The following SCUBE3 variants were observed in gnomAD, a reference collection of about 807,000 sequenced individuals.
SCUBE3 encodes the protein signal peptide, CUB and EGF-like domain-containing protein 3.
Under a neutral mutation model 116.8 loss-of-function variants are expected in SCUBE3, and 33 were observed. That is an observed-to-expected ratio of 0.28 (90% CI 0.21 to 0.38). SCUBE3 has a LOEUF of 0.38. Ranked by LOEUF, SCUBE3 falls within the 10% of genes least tolerant of loss-of-function variation. SCUBE3 has a pLI of 1.00. For missense variants in SCUBE3, 1,007 were observed against 1,324.8 expected, an observed-to-expected ratio of 0.76 and a Z score of 3.72; for synonymous variants, 418 against 496.9, an observed-to-expected ratio of 0.84 and a Z score of 2.11.
chr6:35,244,811 A>G lies in SCUBE3; in HGVS notation c.2401A>G (p.Asn801Asp). ...DGSTSVAQCK[N>D]RQCGGELGEF... is the part of the protein sequence containing the mutation. ...CTCTACCAGTGTGGCCCAATGCAAG[A>G]GTACGTGGCAAGCCAGGCTGTGCAA... is the stretch of plus-strand genomic sequence containing the variant. Residue 801 changes from asparagine (N) to aspartate (D), a missense_variant and splice_region_variant, in exon 18 of 22, where the codon AAT becomes GAT. Asn to Asp is a conservative substitution (Grantham distance 23, BLOSUM62 1). This residue lies in a region of SCUBE3 where 544 missense variants were observed against 638.9 expected (regional missense o/e 0.85). Coordinates refer to ENST00000274938, the MANE Select transcript of SCUBE3 (RefSeq NM_152753.4). This position sits in a 1 kb window ranked among gnomAD's most constrained non-coding sequence, Gnocchi z 4.3. 1 of 1,614,112 alleles carries G rather than the reference A, an allele frequency of 6.2e-7. No individual in the cohort carries two copies. The highest frequency in any genetic ancestry group is 1.7e-5 in the Admixed American group (1 of 60,028).
chr6:35,214,378 C>G lies in SCUBE3; in HGVS notation c.-41C>G. 1 of 1,347,352 alleles carries G rather than the reference C, an allele frequency of 7.4e-7. No individual in the cohort carries two copies. Among genetic ancestry groups the G allele is most frequent in the Non-Finnish European group, 9.7e-7 (1 of 1,029,830 alleles). The allele number at this position is 1,347,352 out of a possible 1,614,324, so 83.5% of individuals were successfully genotyped here. On this transcript the variant is annotated 5_prime_UTR_variant, in exon 1 of 22. Transcript: ENST00000274938. The surrounding 1 kb of genome is among the most constrained non-coding windows in gnomAD (Gnocchi z 6.3). ...GCCGGCTTCCGCCCTCCCCTGGCCGCGAGACCGGCCCCGGCGGCTGGGCCG... is the reference window on the plus strand; with the variant it reads ...GCCGGCTTCCGCCCTCCCCTGGCCGGGAGACCGGCCCCGGCGGCTGGGCCG...
chr6:35,236,671 T>C (rs1306190049), intron 6 of SCUBE3, among the ~76,000 whole-genome samples: 1 of 152,222 alleles, frequency 6.6e-6, no homozygotes, highest in Non-Finnish European at 1.5e-5. Context: ...CCTGTTCTCA[T>C]TGGTGACAAG....
chr6:35,235,538 G>C lies in SCUBE3; in HGVS notation c.712+2237G>C. ...CCGCTTGCTCTCACTGGCTTGCTAG[G>C]GGAAGGGCTAACCCGCTGGGGCTCC... On this transcript the variant is annotated intron_variant, in intron 6 of 21. Coordinates refer to ENST00000274938, the MANE Select transcript of SCUBE3 (RefSeq NM_152753.4). This position sits in a 1 kb window ranked among gnomAD's most constrained non-coding sequence, Gnocchi z 4.5. 8.7e-7 allele frequency: 1 copy of C among 1,155,954 alleles called. No individual in the cohort carries two copies. Among genetic ancestry groups the C allele is most frequent in the Non-Finnish European group, 1.2e-6 (1 of 866,632 alleles). The allele number at this position is 1,155,954 out of a possible 1,614,324, so 71.6% of individuals were successfully genotyped here.
chr6:35,243,047 C>A lies in SCUBE3; in HGVS notation c.1720C>A (p.Gln574Lys), dbSNP rs1784144771. ...TASCGLPCLR[Q>K]RMERRLKGSL... ...CAGCTGTGGGCTGCCCTGCCTCCGACAGCGAATGGAACGGCGGCTGAAAGG... is the reference window on the plus strand; with the variant it reads ...CAGCTGTGGGCTGCCCTGCCTCCGAAAGCGAATGGAACGGCGGCTGAAAGG... The change falls in exon 15 of 22, where the codon CAG (glutamine) becomes AAG (lysine). Residue 574 changes from glutamine (Q) to lysine (K), a missense_variant. Physicochemically the swap from Gln to Lys is moderately conservative, Grantham distance 53. This residue lies in a region of SCUBE3 where 544 missense variants were observed against 638.9 expected (regional missense o/e 0.85). Transcript: ENST00000274938. The surrounding 1 kb of genome is among the most constrained non-coding windows in gnomAD (Gnocchi z 6.6). 9 of 1,614,164 alleles carry A rather than the reference C, an allele frequency of 5.6e-6. No individual in the cohort carries two copies. The highest frequency in any genetic ancestry group is 1.7e-5 in the Admixed American group (1 of 60,032).
chr6:35,245,831 G>C lies in SCUBE3; in HGVS notation c.2600-113G>C, dbSNP rs1408124291. 1.7e-6 allele frequency: 2 copies of C among 1,143,462 alleles called. No individual in the cohort carries two copies. Among genetic ancestry groups the C allele is most frequent in the African/African-American group, 3.1e-5 (2 of 64,740 alleles). The allele number at this position is 1,143,462 out of a possible 1,614,324, so 70.8% of individuals were successfully genotyped here. A position where few individuals can be genotyped will look rare whatever the true frequency, so the allele number is the denominator to read the frequency against. On this transcript the variant is annotated intron_variant, in intron 19 of 21. Transcript: ENST00000274938. This position sits in a 1 kb window ranked among gnomAD's most constrained non-coding sequence, Gnocchi z 4.2. ...GTGTGTATGCGAAGGGGGAGCCTTT[G>C]TCAGAATGATTCTCTTGCCCTATAC...
chr6:35,239,440 C>T lies in SCUBE3; in HGVS notation c.830-312C>T, dbSNP rs1783930281. On this transcript the variant is annotated intron_variant, in intron 7 of 21. Transcript: ENST00000274938. This position sits in a 1 kb window ranked among gnomAD's most constrained non-coding sequence, Gnocchi z 4.1. ...CTGTTAGGTCAAATGCCCACCTGCC[C>T]CTCCTCTAGGTAATTCCCTGAGGGC... Among the ~76,000 whole-genome samples the T allele has an allele frequency of 6.6e-6, 1 of 152,166 alleles. No individual in the cohort carries two copies. The highest frequency in any genetic ancestry group is 1.5e-5 in the Non-Finnish European group (1 of 68,024).
rs948193469 is a variant in SCUBE3, at chr6:35,241,236, C to T, written c.1165C>T (p.Arg389Trp). Reference sequence around the variant, plus strand: ...GTGTACCTGCCCAGCAGGCCAGGGTCGGCTGCACTGGAATGGCAAAGATTG... The same window carrying T: ...GTGTACCTGCCCAGCAGGCCAGGGTTGGCTGCACTGGAATGGCAAAGATTG... ...YQCTCPAGQGRLHWNGKDCTE... is the reference protein window; with the variant it reads ...YQCTCPAGQGWLHWNGKDCTE... Residue 389 changes from arginine to tryptophan, a missense_variant, in exon 10 of 22, where the codon CGG becomes TGG. Arg to Trp is a moderately radical substitution (Grantham distance 101). Transcript: ENST00000274938. The surrounding 1 kb of genome is among the most constrained non-coding windows in gnomAD (Gnocchi z 4.1). 16 of 1,601,062 alleles carry T rather than the reference C, an allele frequency of 1.0e-5. No homozygotes were observed. The highest frequency in any genetic ancestry group is 1.3e-5 in the Non-Finnish European group (15 of 1,169,518).
chr6:35,246,758 A>G (rs1441736329), intron 21 of SCUBE3, among the ~76,000 whole-genome samples: 1 of 151,336 alleles, frequency 6.6e-6, no homozygotes, highest in Admixed American at 6.6e-5. Flanking sequence ...GGTGGATCAC[A>G]TGAGGTCAGG....
Position 35,214,038 on chromosome 6 carries a change from G to C in SCUBE3, c.-381G>C, listed in dbSNP as rs1383275267. ...CCCCTTTCTCAGGTCCTTCGCTCGGGCTCTGCGCGCTCTCCGGCTGCAGCT... is the reference window on the plus strand; with the variant it reads ...CCCCTTTCTCAGGTCCTTCGCTCGGCCTCTGCGCGCTCTCCGGCTGCAGCT... On this transcript the variant is annotated 5_prime_UTR_variant, in exon 1 of 22. Transcript: ENST00000274938. The surrounding 1 kb of genome is among the most constrained non-coding windows in gnomAD (Gnocchi z 6.3). Among the ~76,000 whole-genome samples the C allele has an allele frequency of 6.6e-6, 1 of 152,152 alleles. No individual in the cohort carries two copies. The highest frequency in any genetic ancestry group is 1.9e-4 in the East Asian group (1 of 5,172).
intron 6 of SCUBE3, among the ~76,000 whole-genome samples, chr6:35,234,864 G>A (rs1310992124): frequency 6.6e-6 from 1 of 152,236 alleles, no homozygotes; most frequent in African/African-American, 2.4e-5. Context: ...CCACTGGGCT[G>A]TGGCCAAATG....
chr6:35,240,038 G>A lies in SCUBE3; in HGVS notation c.952+164G>A, dbSNP rs748844249. ...GCAAATGGTACTCTTTCCCCTCAGCGGACTAGCTCCATATCAAAGCATTCA... is the reference window on the plus strand; with the variant it reads ...GCAAATGGTACTCTTTCCCCTCAGCAGACTAGCTCCATATCAAAGCATTCA... On this transcript the variant is annotated intron_variant, in intron 8 of 21. Transcript: ENST00000274938. The surrounding 1 kb of genome is among the most constrained non-coding windows in gnomAD (Gnocchi z 4.6). 4.6e-5 allele frequency among the ~76,000 whole-genome samples: 7 copies of A among 152,178 alleles called. No homozygotes were observed. Among genetic ancestry groups the A allele is most frequent in the East Asian group, 1.9e-4 (1 of 5,192 alleles).
rs1455545872 is a variant in SCUBE3 at position 35,243,597 on chromosome 6, G to C, written c.1913G>C (p.Ser638Thr). Residue 638 changes from serine (S) to threonine (T), a missense_variant, in exon 16 of 22, where the codon AGC (serine) becomes ACC (threonine). This residue lies in a region of SCUBE3 where 544 missense variants were observed against 638.9 expected (regional missense o/e 0.85). Coordinates refer to ENST00000274938, the MANE Select transcript of SCUBE3 (RefSeq NM_152753.4). This position sits in a 1 kb window ranked among gnomAD's most constrained non-coding sequence, Gnocchi z 6.6. ...AGCGCGGCCGACTCTCCCTCAGTCA[G>C]CTGCCCGCAGGGAACGTATTACCAC... ...GQHRAGTKCV[S>T]CPQGTYYHGQ... The C allele has an allele frequency of 1.2e-6, 2 of 1,605,718 alleles. No individual in the cohort carries two copies. Among genetic ancestry groups the C allele is most frequent in the South Asian group, 2.2e-5 (2 of 90,382 alleles).
At position 35,239,697 on chromosome 6, in the gene SCUBE3, G is replaced by A; in HGVS notation, c.830-55G>A. On this transcript the variant is annotated intron_variant, in intron 7 of 21. Coordinates refer to ENST00000274938, the MANE Select transcript of SCUBE3 (RefSeq NM_152753.4). The surrounding 1 kb of genome is among the most constrained non-coding windows in gnomAD (Gnocchi z 4.1). ...CAGTGAGGGAGGGATCTTTCTCCTTGTTTGTTCTCAGCCTTTGATAGTATC... is the reference window on the plus strand; with the variant it reads ...CAGTGAGGGAGGGATCTTTCTCCTTATTTGTTCTCAGCCTTTGATAGTATC... 6.4e-7 allele frequency: 1 copy of A among 1,573,244 alleles called. No homozygotes were observed. Among genetic ancestry groups the A allele is most frequent in the Non-Finnish European group, 8.7e-7 (1 of 1,155,182 alleles).
At chr6:35,218,724 G>A (rs3800387) in intron 1 of SCUBE3, among the ~76,000 whole-genome samples, 6,270 of 152,168 alleles carry the variant, frequency 0.041, 351 homozygotes, top group East Asian at 0.3. Context: ...GGGGGTACAG[G>A]AGCTAGTCAC....
Position 35,238,703 on chromosome 6 carries a change from A to G in SCUBE3, c.829+685A>G, listed in dbSNP as rs546578476. Among the ~76,000 whole-genome samples, 30 of 152,334 alleles carry G rather than the reference A, an allele frequency of 2.0e-4. No homozygotes were observed. The South Asian group carries it at 6.0e-3, about 31-fold the overall frequency. ...TTATTACAGTATAGTTACCCACATT[A>G]TGCATTCTGTTTCCCTTCCTTTTAA... is the stretch of plus-strand genomic sequence containing the variant. On this transcript the variant is annotated intron_variant, in intron 7 of 21. Transcript: ENST00000274938.
In SCUBE3 at chr6:35,240,700, A is replaced by G. The variant is rs1784003819; in HGVS notation, c.1069+210A>G. Among the ~76,000 whole-genome samples the G allele has an allele frequency of 1.3e-5, 2 of 152,172 alleles. No homozygotes were observed. The highest frequency in any genetic ancestry group is 2.9e-5 in the Non-Finnish European group (2 of 68,034). On this transcript the variant is annotated intron_variant, in intron 9 of 21. Coordinates refer to ENST00000274938, the MANE Select transcript of SCUBE3 (RefSeq NM_152753.4). This position sits in a 1 kb window ranked among gnomAD's most constrained non-coding sequence, Gnocchi z 4.6. ...ACAGCATCCTGCCTCCAAAATTCCT[A>G]TCTCCCATTCCTATAACTGTCCCTG...
In SCUBE3 at chr6:35,239,973, T is replaced by C. The variant is rs1783963064; in HGVS notation, c.952+99T>C. 1 of 1,034,528 alleles carries C rather than the reference T, an allele frequency of 9.7e-7. No individual in the cohort carries two copies. The highest frequency in any genetic ancestry group is 3.2e-4 in the Middle Eastern group (1 of 3,112). 64.1% of individuals were successfully genotyped at this position (1,034,528 alleles called of 1,614,324 possible). A position where few individuals can be genotyped will look rare whatever the true frequency, so the allele number is the denominator to read the frequency against. On this transcript the variant is annotated intron_variant, in intron 8 of 21. Coordinates refer to ENST00000274938, the MANE Select transcript of SCUBE3 (RefSeq NM_152753.4). This position sits in a 1 kb window ranked among gnomAD's most constrained non-coding sequence, Gnocchi z 4.1. ...TAAAGTCTTAGAAACTCAATAGATA[T>C]CACACAGAGTCTCTAGAGGCAGTGT... is the stretch of plus-strand genomic sequence containing the variant.
In SCUBE3 at chr6:35,242,190, T is replaced by C. The variant is rs1467538591; in HGVS notation, c.1418-14T>C. 5.0e-6 allele frequency: 8 copies of C among 1,589,060 alleles called. No individual in the cohort carries two copies. In the South Asian group the frequency reaches 8.8e-5, roughly 18 times the overall value. On this transcript the variant is annotated splice_polypyrimidine_tract_variant and intron_variant, in intron 12 of 21. Transcript: ENST00000274938. ...GGCATCCCATACTGTGCTGAGTTTC[T>C]ACCATCCCTCTAGAGGCTGCAGTGC... is the stretch of plus-strand genomic sequence containing the variant.
chr6:35,251,877 T>G lies in SCUBE3; in HGVS notation c.*3172T>G, dbSNP rs1039748408. On this transcript the variant is annotated 3_prime_UTR_variant, in exon 22 of 22. Transcript: ENST00000274938. ...ATGAGGAGTCAACGCTCAGGGACATTCTAGGTCTTTACAGGTCAGACAGAA... is the reference window on the plus strand; with the variant it reads ...ATGAGGAGTCAACGCTCAGGGACATGCTAGGTCTTTACAGGTCAGACAGAA... 1 of 152,208 alleles carries G rather than the reference T, an allele frequency of 6.6e-6. No homozygotes were observed. The highest frequency in any genetic ancestry group is 6.5e-5 in the Admixed American group (1 of 15,278). 9.4% of individuals were successfully genotyped at this position (152,208 alleles called of 1,614,324 possible). A position where few individuals can be genotyped will look rare whatever the true frequency, so the allele number is the denominator to read the frequency against.
Sources: allele counts gnomAD v4.1 joint callset (sites outside exome capture counted in the v4.1 genomes callset), GRCh38; gene constraint gnomAD v4.1.1; regional missense constraint gnomAD v4.1.1; non-coding constraint Gnocchi (gnomAD v3.1); transcripts MANE v1.5; gene names NCBI Gene and HGNC (gene_info 2026-07-23, HGNC 2026-07-21).